The following DUS2 variants were observed in gnomAD, a reference collection of about 807,000 sequenced individuals.
The protein encoded by DUS2 is dihydrouridine synthase 2.
A neutral mutation model predicts 71.3 loss-of-function variants in DUS2; 52 were observed. The ratio of observed to expected loss-of-function variants is 0.73; its 90% CI spans 0.58 to 0.92. The LOEUF (loss-of-function observed/expected upper bound fraction) is 0.92, where lower values mean the gene tolerates loss of function less well. DUS2 is among the 40% of genes least tolerant of loss of function. The probability of loss-of-function intolerance (pLI) is 0.00; values close to 1 mark genes in which losing one functional copy is unlikely to be tolerated. For synonymous variants in DUS2, 204 were observed against 227.8 expected, an observed-to-expected ratio of 0.90 and a Z score of 0.94; for missense variants, 558 against 622.6, an observed-to-expected ratio of 0.90 and a Z score of 1.10.
chr16:68,070,244 T>C (rs1379406413), intron 11 of DUS2, 24 bp downstream of exon 11: 4 of 1,607,372 alleles, frequency 2.5e-6, no homozygotes, highest in Non-Finnish European at 3.4e-6. Context: ...CTTCATCATG[T>C]ACTCTGTGTC....
At chr16:68,037,579 A>G (rs1172167894) in intron 2 of DUS2, among the ~76,000 whole-genome samples, 2 of 151,780 alleles carry the variant, frequency 1.3e-5, no homozygotes, top group African/African-American at 4.8e-5. Context: ...CACCATGCCC[A>G]GCTAATTTTT....
At chr16:68,062,093 C>T (rs888954645) in intron 8 of DUS2, among the ~76,000 whole-genome samples, 11 of 152,162 alleles carry the variant, frequency 7.2e-5, no homozygotes, top group African/African-American at 2.7e-4. Context: ...TCACTGCAAC[C>T]TCTGCCTCCA....
Position 68,079,024 on chromosome 16 carries a change from G to C in DUS2, c.*38G>C. On this transcript the variant is annotated 3_prime_UTR_variant, in exon 17 of 17. Coordinates refer to ENST00000565263, the MANE Select transcript of DUS2 (RefSeq NM_017803.5). ...CCTTAGTCACCCCTCCATGGGCCTG[G>C]TGCTAAGGTGGCTGTGGATGCCACA... 1 of 1,491,530 alleles carries C rather than the reference G, an allele frequency of 6.7e-7. No individual in the cohort carries two copies. The highest frequency in any genetic ancestry group is 9.0e-7 in the Non-Finnish European group (1 of 1,111,556). The allele number at this position is 1,491,530 out of a possible 1,614,324, so 92.4% of individuals were successfully genotyped here.
At chr16:68,063,681 G>A (rs2033970289) in intron 8 of DUS2, among the ~76,000 whole-genome samples, 1 of 151,978 alleles carries the variant, frequency 6.6e-6, no homozygotes, top group African/African-American at 2.4e-5. Flanking sequence ...TCTGATATAT[G>A]CTCCCTGGAT....
At chr16:68,027,339 A>G (rs947850201) in intron 2 of DUS2, among the ~76,000 whole-genome samples, 1 of 152,048 alleles carries the variant, frequency 6.6e-6, no homozygotes, top group Non-Finnish European at 1.5e-5. Flanking sequence ...CCCGGGTTCA[A>G]GTGATTCTCT....
intron 2 of DUS2, among the ~76,000 whole-genome samples, chr16:68,034,643 G>A (rs2033490310): frequency 6.6e-6 from 1 of 152,156 alleles, no homozygotes; most frequent in Admixed American, 6.6e-5. Flanking sequence ...TGGAATTATA[G>A]CATGAGCTAC....
rs760728678 is a variant in DUS2 at position 68,066,281 on chromosome 16, G to C, written c.418-36G>C. On this transcript the variant is annotated intron_variant, in intron 8 of 16. Coordinates refer to ENST00000565263, the MANE Select transcript of DUS2 (RefSeq NM_017803.5). ...ACAGGCAGAGTGATGGTTTGTTCCA[G>C]AAGACATAGGTGCTCTTGTGTTTTC... 3 of 1,603,428 alleles carry C rather than the reference G, an allele frequency of 1.9e-6. No individual in the cohort carries two copies. The African/African-American group carries it at 4.0e-5, about 21-fold the overall frequency.
At position 68,079,103 on chromosome 16, in the gene DUS2, A is replaced by C; in HGVS notation, c.*117A>C. Reference sequence around the variant, plus strand: ...GCTGGTCTTGCCTGGCAGAAGTTAGATGTCCTGGCAGGGGCCATCAGCCTA... The same window carrying C: ...GCTGGTCTTGCCTGGCAGAAGTTAGCTGTCCTGGCAGGGGCCATCAGCCTA... On this transcript the variant is annotated 3_prime_UTR_variant, in exon 17 of 17. Coordinates refer to ENST00000565263, the MANE Select transcript of DUS2 (RefSeq NM_017803.5). The C allele has an allele frequency of 1.0e-6, 1 of 1,001,788 alleles. No homozygotes were observed. The highest frequency in any genetic ancestry group is 1.6e-5 in the African/African-American group (1 of 61,996). 62.1% of individuals were successfully genotyped at this position (1,001,788 alleles called of 1,614,324 possible). A position where few individuals can be genotyped will look rare whatever the true frequency, so the allele number is the denominator to read the frequency against.
chr16:68,043,739 A>G (rs1433188399), intron 3 of DUS2, among the ~76,000 whole-genome samples: 2 of 152,058 alleles, frequency 1.3e-5, no homozygotes, highest in Non-Finnish European at 2.9e-5. Context: ...ATCTCAGCTC[A>G]CTGCAACCTC....
intron 2 of DUS2, among the ~76,000 whole-genome samples, chr16:68,030,262 A>G (rs1418153884): frequency 1.3e-5 from 2 of 152,044 alleles, no homozygotes; most frequent in Non-Finnish European, 2.9e-5. Flanking sequence ...TCATGCTTAC[A>G]TGTCTGAGAT....
intron 12 of DUS2, among the ~76,000 whole-genome samples, chr16:68,073,083 C>G (rs1278342150): frequency 3.9e-5 from 6 of 152,244 alleles, no homozygotes; most frequent in Non-Finnish European, 4.4e-5. Context: ...CCTCCCTTCC[C>G]TGGAAGATAC....
chr16:68,073,790 C>T (rs1448062505), intron 12 of DUS2, among the ~76,000 whole-genome samples: 2 of 151,746 alleles, frequency 1.3e-5, no homozygotes, highest in Admixed American at 1.3e-4. Context: ...TTGAGTCTTA[C>T]GTTGCCCAGG....
Position 68,066,317 on chromosome 16 carries a change from A to G in DUS2, c.418A>G (p.Ile140Val). ...TGCTCTTGTGTTTTCCTTTCTGCAG[A>G]TCCTCAGCACTCTTGTTAAAGGGAC... ...LLSDPDKIEK[I>V]LSTLVKGTRR... is the part of the protein sequence containing the mutation. The change falls in exon 9 of 17, where the codon ATC becomes GTC. Residue 140 changes from isoleucine (I) to valine (V), a missense_variant and splice_region_variant. Transcript: ENST00000565263. The G allele has an allele frequency of 6.2e-7, 1 of 1,614,094 alleles. No individual in the cohort carries two copies. The highest frequency in any genetic ancestry group is 8.5e-7 in the Non-Finnish European group (1 of 1,179,982).
In DUS2 at chr16:68,059,438, T is replaced by C. The variant is rs535491623; in HGVS notation, c.370-1628T>C. 2.6e-5 allele frequency among the ~76,000 whole-genome samples: 4 copies of C among 152,266 alleles called. No homozygotes were observed. The East Asian group carries it at 5.8e-4, about 22-fold the overall frequency. On this transcript the variant is annotated intron_variant, in intron 7 of 16. Transcript: ENST00000565263. ...CTGAATTTTAGATCCTGTGATTCTA[T>C]AAGGAAGGGCTGGATACGTGTGAGT...
Position 68,060,976 on chromosome 16 carries a change from G to A in DUS2, c.370-90G>A, listed in dbSNP as rs367980654. On this transcript the variant is annotated intron_variant, in intron 7 of 16. Coordinates refer to ENST00000565263, the MANE Select transcript of DUS2 (RefSeq NM_017803.5). ...CCTTGGTCCCTTGGAAGTGAGTGCC[G>A]GGGTGACGCTCAGTTGCCAGACCCC... 4.9e-5 allele frequency: 63 copies of A among 1,288,600 alleles called. 1 individual carries two copies. The highest frequency in any genetic ancestry group is 6.3e-5 in the Non-Finnish European group (56 of 894,792). The allele number at this position is 1,288,600 out of a possible 1,614,324, so 79.8% of individuals were successfully genotyped here.
intron 15 of DUS2, chr16:68,078,080 T>G: frequency 3.3e-6 from 1 of 300,332 alleles, no homozygotes; most frequent in Non-Finnish European, 6.4e-6. Context: ...AGTCACCTGG[T>G]CCCTCTGCCA....
intron 2 of DUS2, among the ~76,000 whole-genome samples, chr16:68,027,640 T>G (rs1016170506): frequency 2.0e-5 from 3 of 152,260 alleles, no homozygotes; most frequent in African/African-American, 4.8e-5. Flanking sequence ...CCACAGTGCC[T>G]ATTTTCACCT....
At chr16:68,025,617 C>G (rs77861770) in intron 2 of DUS2, 123 bp downstream of exon 2, 2 of 152,126 alleles carry the variant, frequency 1.3e-5, no homozygotes, top group African/African-American at 4.8e-5. Context: ...CAAAATTTCA[C>G]AGGAGTTAGA....
rs535845070 is a variant in DUS2, at chr16:68,050,994, A to C, written c.172+1444A>C. Reference sequence around the variant, plus strand: ...TGTCATTGCCTTTATCCCACCCTAAAAACCTTCTCATCTGTTTAGTGCTGG... The same window carrying C: ...TGTCATTGCCTTTATCCCACCCTAACAACCTTCTCATCTGTTTAGTGCTGG... On this transcript the variant is annotated intron_variant, in intron 4 of 16. Transcript: ENST00000565263. Among the ~76,000 whole-genome samples, 18 of 152,322 alleles carry C rather than the reference A, an allele frequency of 1.2e-4. No homozygotes were observed. The South Asian group carries it at 3.7e-3, about 32-fold the overall frequency.
Sources: gnomAD v4.1 joint callset for allele counts (sites outside exome capture counted in the v4.1 genomes callset) on GRCh38, gnomAD v4.1.1 for gene constraint, MANE v1.5 for transcripts, NCBI Gene and HGNC (gene_info 2026-07-23, HGNC 2026-07-21) for gene names.